CRIM1: variants seen among roughly 807,000 people sequenced by gnomAD.
The protein encoded by CRIM1 is cysteine-rich motor neuron 1 protein.
In CRIM1, 32 loss-of-function variants were observed where a neutral mutation model predicts 116.4. That is an observed-to-expected ratio of 0.27 (90% CI 0.21 to 0.37). The LOEUF (loss-of-function observed/expected upper bound fraction) is 0.37. Ranked by LOEUF, CRIM1 falls within the 10% of genes least tolerant of loss-of-function variation. CRIM1 has a pLI of 1.00. For synonymous variants in CRIM1, 590 were observed against 509.2 expected, an observed-to-expected ratio of 1.16 and a Z score of -2.13; for missense variants, 1,331 against 1,354.8, an observed-to-expected ratio of 0.98 and a Z score of 0.28.
At chr2:36,378,104 C>T (rs541473083) in intron 1 of CRIM1, among the ~76,000 whole-genome samples, 1 of 152,332 alleles carries the variant, frequency 6.6e-6, no homozygotes, top group South Asian at 2.1e-4. Flanking sequence ...TAGGGGCTTA[C>T]TCTGCATTGT....
At chr2:36,544,230 GATGA>G (rs1300446323) in intron 14 of CRIM1, 142 bp from the exon 15 acceptor site, 5 of 578,298 alleles carry the variant, frequency 8.6e-6, no homozygotes, top group Middle Eastern at 4.4e-4. Flanking sequence ...TAGCATGAGT[GATGA>G]ATGATGTAAA....
rs1238753637 is a variant in CRIM1 at position 36,438,548 on chromosome 2, C to T, written c.506-2710C>T. Among the ~76,000 whole-genome samples, 8 of 152,108 alleles carry T rather than the reference C, an allele frequency of 5.3e-5. No individual in the cohort carries two copies. The East Asian group carries it at 1.3e-3, about 26-fold the overall frequency. On this transcript the variant is annotated intron_variant, in intron 2 of 16. Coordinates refer to ENST00000280527, the MANE Select transcript of CRIM1 (RefSeq NM_016441.3). ...TCATGTTCTCTTCTCACGGCAGTTC[C>T]TTGGGGGGTTATACTATGAAAGTGG...
intron 5 of CRIM1, among the ~76,000 whole-genome samples, chr2:36,467,367 T>C (rs1213501597): frequency 6.6e-6 from 1 of 152,250 alleles, no homozygotes; most frequent in Non-Finnish European, 1.5e-5. Context: ...TCTTTTGATA[T>C]ATACATTCAT....
chr2:36,449,711 C>T (rs964560933), intron 4 of CRIM1, among the ~76,000 whole-genome samples: 9 of 151,968 alleles, frequency 5.9e-5, no homozygotes, highest in African/African-American at 9.7e-5. Flanking sequence ...AAGCCGCTAG[C>T]GACAGGAGAC....
At chr2:36,390,116 T>C (rs763475729) in intron 1 of CRIM1, among the ~76,000 whole-genome samples, 34 of 152,154 alleles carry the variant, frequency 2.2e-4, no homozygotes, top group Admixed American at 1.3e-4. Context: ...TTGAAAGATA[T>C]TCTTAGAGGA....
At position 36,456,507 on chromosome 2, in the gene CRIM1, T is replaced by C. The variant is rs1475747028; in HGVS notation, c.870-8027T>C. Reference sequence around the variant, plus strand: ...TTCCCTTCCTCCTTTTCCAAACTAGTCCTTCATGCAGCTCTCACTCCCATC... The same window carrying C: ...TTCCCTTCCTCCTTTTCCAAACTAGCCCTTCATGCAGCTCTCACTCCCATC... On this transcript the variant is annotated intron_variant, in intron 4 of 16. Coordinates refer to ENST00000280527, the MANE Select transcript of CRIM1 (RefSeq NM_016441.3). Among the ~76,000 whole-genome samples the C allele has an allele frequency of 2.0e-5, 3 of 152,128 alleles. No homozygotes were observed. The South Asian group carries it at 6.2e-4, about 32-fold the overall frequency.
chr2:36,509,408 T>C (rs1057062318), intron 8 of CRIM1, among the ~76,000 whole-genome samples: 7 of 152,118 alleles, frequency 4.6e-5, no homozygotes, highest in Admixed American at 6.5e-5. Context: ...ATGCCTGTAA[T>C]CACAGATGCT....
intron 5 of CRIM1, among the ~76,000 whole-genome samples, chr2:36,470,432 G>A (rs1464699919): frequency 6.6e-6 from 1 of 152,186 alleles, no homozygotes; most frequent in Non-Finnish European, 1.5e-5. Flanking sequence ...AGCAGTCAAT[G>A]CCTGGCTTCA....
intron 4 of CRIM1, among the ~76,000 whole-genome samples, chr2:36,458,388 G>A (rs1677310321): frequency 6.6e-6 from 1 of 152,142 alleles, no homozygotes; most frequent in African/African-American, 2.4e-5. Flanking sequence ...GCCTCCTCCA[G>A]GAATCTCCTG....
intron 2 of CRIM1, among the ~76,000 whole-genome samples, chr2:36,402,746 T>C (rs1672512819): frequency 6.7e-6 from 1 of 149,802 alleles, no homozygotes; most frequent in Non-Finnish European, 1.5e-5. Context: ...CCATTGGAAA[T>C]AGAATTAGCA....
chr2:36,528,993 T>A (rs905827592), intron 13 of CRIM1, among the ~76,000 whole-genome samples: 7 of 152,166 alleles, frequency 4.6e-5, no homozygotes, highest in African/African-American at 1.2e-4. Context: ...GTTGTTCTGG[T>A]TAACTTGGGA....
At chr2:36,422,781 C>G (rs145648109) in intron 2 of CRIM1, among the ~76,000 whole-genome samples, 1 of 152,170 alleles carries the variant, frequency 6.6e-6, no homozygotes, top group Non-Finnish European at 1.5e-5. Flanking sequence ...TTTAATACTT[C>G]GGAAATGGTT....
intron 1 of CRIM1, among the ~76,000 whole-genome samples, chr2:36,370,456 A>G (rs905707727): frequency 2.6e-5 from 4 of 152,166 alleles, no homozygotes; most frequent in African/African-American, 9.7e-5. Flanking sequence ...AGGAAATTGT[A>G]TTAGTTGCTT....
chr2:36,358,566 C>T (rs183223482), intron 1 of CRIM1, among the ~76,000 whole-genome samples: 2 of 152,314 alleles, frequency 1.3e-5, no homozygotes, highest in East Asian at 3.9e-4. Context: ...TTGGCAGTTT[C>T]GTGAGCCTTT....
At chr2:36,403,265 A>C (rs1390267938) in intron 2 of CRIM1, among the ~76,000 whole-genome samples, 1 of 152,188 alleles carries the variant, frequency 6.6e-6, no homozygotes, top group Admixed American at 6.6e-5. Flanking sequence ...TTAGGGCTTT[A>C]GATAATTCTC....
chr2:36,548,573 A>G lies in CRIM1; in HGVS notation c.2983A>G (p.Thr995Ala). 1 of 1,606,770 alleles carries G rather than the reference A, an allele frequency of 6.2e-7. No individual in the cohort carries two copies. Among genetic ancestry groups the G allele is most frequent in the Non-Finnish European group, 8.5e-7 (1 of 1,177,944 alleles). ...QLVSVDCKKG[T>A]RVQVDSSQRM... is the part of the protein sequence containing the mutation. ...AGTATCTGTGGACTGCAAGAAAGGA[A>G]CCAGAGTCCAGGTGGACAGTTCCCA... The change falls in exon 17 of 17, where the codon ACC (threonine) becomes GCC (alanine). Residue 995 changes from threonine to alanine, a missense_variant. Physicochemically the swap from Thr to Ala is moderately conservative, Grantham distance 58. Coordinates refer to ENST00000280527, the MANE Select transcript of CRIM1 (RefSeq NM_016441.3).
intron 2 of CRIM1, among the ~76,000 whole-genome samples, chr2:36,398,272 T>G (rs1257326973): frequency 6.6e-6 from 1 of 152,170 alleles, no homozygotes; most frequent in Non-Finnish European, 1.5e-5. Flanking sequence ...TTGTCTCTAC[T>G]CAGGCCCCCT....
chr2:36,508,272 A>T (rs1681569574), intron 8 of CRIM1, among the ~76,000 whole-genome samples: 2 of 152,232 alleles, frequency 1.3e-5, no homozygotes, highest in South Asian at 4.1e-4. Flanking sequence ...ACCATAAATC[A>T]CATTTTCCTT....
chr2:36,356,604 C>G lies in CRIM1; in HGVS notation c.312C>G (p.Tyr104Ter). ...TCAATGGCGACTCCCTCACCGAGTA[C>G]GAAGCGGGCGTTTGCGAAGGTACGG... The part of the protein sequence containing the change: ...PPLNGDSLTE[Y>*]EAGVCEDENW... The change falls in exon 1 of 17, where the codon TAC (tyrosine) becomes TAG (stop). Residue 104 changes from tyrosine (Y) to a stop codon, truncating the protein, a stop_gained. Transcript: ENST00000280527. LOFTEE classifies it high-confidence loss of function. The surrounding 1 kb of genome is among the most constrained non-coding windows in gnomAD (Gnocchi z 4.3). 2 of 1,608,786 alleles carry G rather than the reference C, an allele frequency of 1.2e-6. No individual in the cohort carries two copies. The highest frequency in any genetic ancestry group is 1.7e-6 in the Non-Finnish European group (2 of 1,178,314).
Sources: allele counts gnomAD v4.1 joint callset (sites outside exome capture counted in the v4.1 genomes callset), GRCh38; gene constraint gnomAD v4.1.1; non-coding constraint Gnocchi (gnomAD v3.1); transcripts MANE v1.5; gene names NCBI Gene and HGNC (gene_info 2026-07-23, HGNC 2026-07-21).